CCSER1: variants seen among roughly 807,000 people sequenced by gnomAD.
CCSER1 encodes serine-rich coiled-coil domain-containing protein 1.
Under a neutral mutation model 82.0 loss-of-function variants are expected in CCSER1, and 41 were observed. That is an observed-to-expected ratio of 0.50 (90% CI 0.39 to 0.65). CCSER1 has a LOEUF of 0.65. Ranked by LOEUF, CCSER1 falls within the 30% of genes least tolerant of loss-of-function variation. The pLI, the probability that CCSER1 is intolerant of heterozygous loss-of-function variation, is 0.00. For missense variants in CCSER1, 1,119 were observed against 1,064.2 expected, an observed-to-expected ratio of 1.05 and a Z score of -0.72; for synonymous variants, 414 against 383.9, an observed-to-expected ratio of 1.08 and a Z score of -0.92.
chr4:90,592,797 C>T (rs1399394723), intron 5 of CCSER1, among the ~76,000 whole-genome samples: 1 of 152,078 alleles, frequency 6.6e-6, no homozygotes, highest in African/African-American at 2.4e-5. Context: ...ATACAGCACT[C>T]TCTCCATACT....
intron 3 of CCSER1, among the ~76,000 whole-genome samples, chr4:90,322,080 C>T (rs896801780): frequency 6.6e-6 from 1 of 152,002 alleles, no homozygotes; most frequent in African/African-American, 2.4e-5. Context: ...TGGAGAGTTT[C>T]CCTAATGTTT....
At chr4:91,038,823 G>A (rs568673681) in intron 9 of CCSER1, among the ~76,000 whole-genome samples, 2 of 152,216 alleles carry the variant, frequency 1.3e-5, no homozygotes, top group East Asian at 3.9e-4. Flanking sequence ...ATTTTATTAA[G>A]GGAGTGAAGG....
At chr4:90,350,756 C>G (rs929939405) in intron 3 of CCSER1, among the ~76,000 whole-genome samples, 2 of 152,008 alleles carry the variant, frequency 1.3e-5, no homozygotes, top group African/African-American at 2.4e-5. Flanking sequence ...TTTAAAAGAT[C>G]TTGAAGTACA....
chr4:90,803,686 C>T (rs1757129771), intron 7 of CCSER1, among the ~76,000 whole-genome samples: 2 of 152,202 alleles, frequency 1.3e-5, no homozygotes, highest in South Asian at 4.2e-4. Context: ...GTGTGTGTGT[C>T]TTTATACTAG....
chr4:90,620,013 G>A (rs975456664), intron 5 of CCSER1, among the ~76,000 whole-genome samples: 14 of 152,090 alleles, frequency 9.2e-5, no homozygotes, highest in South Asian at 4.1e-4. Flanking sequence ...CAGAACTTGC[G>A]GAGTTTGTAT....
intron 1 of CCSER1, among the ~76,000 whole-genome samples, chr4:90,239,343 A>G (rs1010717999): frequency 6.6e-5 from 10 of 152,192 alleles, no homozygotes; most frequent in African/African-American, 2.4e-4. Context: ...ACTGCACTTT[A>G]TGCATTGATC....
intron 4 of CCSER1, among the ~76,000 whole-genome samples, chr4:90,417,307 T>TCTGGTTG: frequency 6.6e-6 from 1 of 152,134 alleles, no homozygotes. Context: ...CCATAGCATA[T>TCTGGTTG]TTAAAATAGA....
chr4:91,477,896 CCTA>C (rs1360940849), intron 10 of CCSER1, among the ~76,000 whole-genome samples: 2 of 151,648 alleles, frequency 1.3e-5, no homozygotes, highest in Admixed American at 1.3e-4. Flanking sequence ...GCATATGGTT[CCTA>C]CTGTCATTTT....
intron 5 of CCSER1, among the ~76,000 whole-genome samples, chr4:90,541,826 T>A (rs1204052084): frequency 6.6e-6 from 1 of 152,070 alleles, no homozygotes; most frequent in Non-Finnish European, 1.5e-5. Flanking sequence ...CAAATAAATG[T>A]TTTTCTGTCA....
chr4:90,939,890 AAC>A (rs1731391514), intron 9 of CCSER1, among the ~76,000 whole-genome samples: 1 of 152,028 alleles, frequency 6.6e-6, no homozygotes, highest in South Asian at 2.1e-4. Context: ...TTGTTTTTCT[AAC>A]AGTTTTCTAG....
intron 5 of CCSER1, among the ~76,000 whole-genome samples, chr4:90,584,068 G>A (rs981823780): frequency 6.6e-6 from 1 of 151,878 alleles, no homozygotes; most frequent in Non-Finnish European, 1.5e-5. Context: ...CCATTCCCTG[G>A]TGTACATACC....
At chr4:90,657,938 A>T (rs1413899205) in intron 6 of CCSER1, among the ~76,000 whole-genome samples, 1 of 152,166 alleles carries the variant, frequency 6.6e-6, no homozygotes, top group Non-Finnish European at 1.5e-5. Flanking sequence ...CCCCATCTCT[A>T]CTAAAATTAC....
intron 8 of CCSER1, among the ~76,000 whole-genome samples, chr4:90,911,810 A>T (rs1204109401): frequency 6.6e-6 from 1 of 152,176 alleles, no homozygotes; most frequent in Non-Finnish European, 1.5e-5. Context: ...TGGTCTTAGC[A>T]AACGGCACAC....
chr4:91,385,797 T>G (rs1449633666), intron 10 of CCSER1, among the ~76,000 whole-genome samples: 2 of 151,960 alleles, frequency 1.3e-5, no homozygotes, highest in African/African-American at 4.8e-5. Context: ...CGTGTATTTT[T>G]GGAAGAAGGG....
intron 9 of CCSER1, among the ~76,000 whole-genome samples, chr4:91,078,765 C>A (rs933573035): frequency 3.9e-5 from 6 of 152,002 alleles, no homozygotes; most frequent in African/African-American, 1.5e-4. Context: ...AACCATGGCA[C>A]GAGAACTACG....
At chr4:90,649,050 T>G (rs1242051449) in intron 6 of CCSER1, among the ~76,000 whole-genome samples, 1 of 152,206 alleles carries the variant, frequency 6.6e-6, no homozygotes, top group African/African-American at 2.4e-5. Context: ...GGGGCAATGC[T>G]CCTTGAATGG....
At chr4:90,496,761 G>T (rs982878967) in intron 5 of CCSER1, among the ~76,000 whole-genome samples, 2 of 152,056 alleles carry the variant, frequency 1.3e-5, no homozygotes, top group African/African-American at 4.8e-5. Flanking sequence ...GGAGGATCAT[G>T]AGGTCAAGAG....
chr4:90,276,251 T>TTCTTTCC (rs1727657735), intron 1 of CCSER1, among the ~76,000 whole-genome samples: 1 of 76,828 alleles, frequency 1.3e-5, no homozygotes, highest in Admixed American at 1.5e-4. Context: ...TCTTTCTTTC[T>TTCTTTCC]TTCCTTCCTT....
At chr4:90,594,343 T>G (rs1783057238) in intron 5 of CCSER1, among the ~76,000 whole-genome samples, 1 of 152,136 alleles carries the variant, frequency 6.6e-6, no homozygotes, top group South Asian at 2.1e-4. Flanking sequence ...ACTTTGCTTC[T>G]TGCCACTCAT....
Sources: allele counts gnomAD v4.1 joint callset (sites outside exome capture counted in the v4.1 genomes callset), GRCh38; gene constraint gnomAD v4.1.1; transcripts MANE v1.5; gene names NCBI Gene and HGNC (gene_info 2026-07-23, HGNC 2026-07-21).